UVRAG: variants seen among roughly 807,000 people sequenced by gnomAD.
The protein encoded by UVRAG is UV radiation resistance-associated gene protein.
UVRAG carries 19 observed loss-of-function variants against 78.0 expected under a neutral mutation model. The observed-to-expected ratio is 0.24, with a 90% confidence interval of 0.17 to 0.36. The LOEUF (loss-of-function observed/expected upper bound fraction) is 0.36, where lower values mean the gene tolerates loss of function less well. Among genes scored for constraint, UVRAG ranks in the 10% least tolerant of loss-of-function variants. The pLI is 1.00. For missense variants in UVRAG, 740 were observed against 853.8 expected (o/e 0.87, Z 1.66); for synonymous variants, 323 against 324.6 (o/e 1.00, Z 0.05).
intron 12 of UVRAG, among the ~76,000 whole-genome samples, chr11:76,038,161 A>T (rs1212272568): frequency 6.6e-6 from 1 of 152,350 alleles, no homozygotes; most frequent in South Asian, 2.1e-4. Context: ...GCTTTCATAC[A>T]GTAAGAAATA....
chr11:76,047,825 G>A (rs1237187620), intron 12 of UVRAG, among the ~76,000 whole-genome samples: 18 of 152,148 alleles, frequency 1.2e-4, no homozygotes, highest in Admixed American at 1.2e-3. Context: ...GAAGTAACTG[G>A]GCAAGTCATT....
At chr11:76,010,182 A>G (rs1423333209) in intron 11 of UVRAG, among the ~76,000 whole-genome samples, 2 of 152,334 alleles carry the variant, frequency 1.3e-5, no homozygotes, top group Non-Finnish European at 2.9e-5. Flanking sequence ...TGATTCATTT[A>G]GTAAACATAT....
chr11:76,142,815 C>T lies in UVRAG; in HGVS notation c.*1402C>T, dbSNP rs1237201409. ...TGTATATAGCAACACAAACACTTGA[C>T]AGGTATATACTCCAGTCGCCACATT... On this transcript the variant is annotated 3_prime_UTR_variant, in exon 15 of 15. Coordinates refer to ENST00000356136, the MANE Select transcript of UVRAG (RefSeq NM_003369.4). The T allele has an allele frequency of 2.6e-5, 4 of 152,302 alleles. No homozygotes were observed. The highest frequency in any genetic ancestry group is 7.2e-5 in the African/African-American group (3 of 41,444). 9.4% of individuals were successfully genotyped at this position (152,302 alleles called of 1,614,324 possible). A position where few individuals can be genotyped will look rare whatever the true frequency, so the allele number is the denominator to read the frequency against.
chr11:75,825,110 T>C (rs977509860), intron 1 of UVRAG, among the ~76,000 whole-genome samples: 2 of 151,576 alleles, frequency 1.3e-5, no homozygotes, highest in African/African-American at 4.9e-5. Context: ...ATAAGTAATG[T>C]CTTTTTTTTT....
chr11:75,948,095 A>G (rs1168878771), intron 6 of UVRAG, among the ~76,000 whole-genome samples: 2 of 152,164 alleles, frequency 1.3e-5, no homozygotes, highest in Non-Finnish European at 2.9e-5. Context: ...AAAGAATAAC[A>G]TCTAATATTA....
At chr11:75,893,613 CAA>C (rs1947271651) in intron 5 of UVRAG, among the ~76,000 whole-genome samples, 1 of 129,760 alleles carries the variant, frequency 7.7e-6, no homozygotes, top group South Asian at 2.4e-4. Flanking sequence ...AACTTTCAGT[CAA>C]GAGTGAGGGT....
At chr11:75,986,955 A>G (rs1261232118) in intron 8 of UVRAG, among the ~76,000 whole-genome samples, 2 of 152,194 alleles carry the variant, frequency 1.3e-5, no homozygotes, top group East Asian at 3.8e-4. Context: ...TTACTCCTGA[A>G]TAATACATTC....
intron 12 of UVRAG, among the ~76,000 whole-genome samples, chr11:76,055,733 G>A (rs866020614): frequency 6.6e-6 from 1 of 150,648 alleles, no homozygotes; most frequent in African/African-American, 2.4e-5. Context: ...TTTTTGAGAC[G>A]GAGTCTCACT....
chr11:75,876,474 C>T (rs145501192), intron 3 of UVRAG, among the ~76,000 whole-genome samples: 7 of 152,068 alleles, frequency 4.6e-5, no homozygotes, highest in Non-Finnish European at 1.0e-4. Context: ...GAAACTCTGC[C>T]CCTATTTAGC....
At chr11:75,857,925 A>T in intron 2 of UVRAG, among the ~76,000 whole-genome samples, 1 of 146,646 alleles carries the variant, frequency 6.8e-6, no homozygotes, top group Non-Finnish European at 1.5e-5. Flanking sequence ...TCTGTGCTTT[A>T]TTTTTCTCTG....
At chr11:75,990,028 G>C (rs1227423571) in intron 8 of UVRAG, among the ~76,000 whole-genome samples, 1 of 152,200 alleles carries the variant, frequency 6.6e-6, no homozygotes, top group Non-Finnish European at 1.5e-5. Flanking sequence ...GGATAAATGA[G>C]ATATAATAGG....
chr11:75,870,906 G>C (rs980585706), intron 3 of UVRAG, among the ~76,000 whole-genome samples: 1 of 150,726 alleles, frequency 6.6e-6, no homozygotes, highest in Non-Finnish European at 1.5e-5. Flanking sequence ...TTTCACTCTT[G>C]TTGCCCAGGC....
At chr11:75,853,813 C>T (rs1383104353) in intron 2 of UVRAG, among the ~76,000 whole-genome samples, 1 of 151,938 alleles carries the variant, frequency 6.6e-6, no homozygotes, top group Non-Finnish European at 1.5e-5. Context: ...CGCTCCGTTG[C>T]CCAGGCTGGT....
chr11:75,827,658 T>C (rs1043516282), intron 1 of UVRAG, among the ~76,000 whole-genome samples: 1 of 152,072 alleles, frequency 6.6e-6, no homozygotes, highest in African/African-American at 2.4e-5. Context: ...GAGTGCAGGA[T>C]AGGAAAAACT....
chr11:75,817,816 G>A (rs960354592), intron 1 of UVRAG, among the ~76,000 whole-genome samples: 3 of 151,706 alleles, frequency 2.0e-5, no homozygotes, highest in South Asian at 2.1e-4. Flanking sequence ...GGCTGAGGTG[G>A]GGGGATCACT....
At chr11:75,942,822 T>C (rs985940466) in intron 6 of UVRAG, among the ~76,000 whole-genome samples, 2 of 152,144 alleles carry the variant, frequency 1.3e-5, no homozygotes, top group African/African-American at 4.8e-5. Flanking sequence ...CTGAACTTCA[T>C]GGTACATATG....
At chr11:75,934,479 T>A (rs986400619) in intron 6 of UVRAG, among the ~76,000 whole-genome samples, 20 of 152,172 alleles carry the variant, frequency 1.3e-4, no homozygotes, top group African/African-American at 4.8e-4. Context: ...AATTTAATTC[T>A]ACATTTAAAA....
intron 14 of UVRAG, among the ~76,000 whole-genome samples, chr11:76,122,772 T>C (rs1364183808): frequency 6.6e-6 from 1 of 152,222 alleles, no homozygotes. Flanking sequence ...AAGACCACTC[T>C]GAGGCCTTAG....
chr11:75,936,527 G>A (rs1948376805), intron 6 of UVRAG, among the ~76,000 whole-genome samples: 1 of 152,044 alleles, frequency 6.6e-6, no homozygotes, highest in South Asian at 2.1e-4. Context: ...TTATTATCTG[G>A]TAGTATAAGT....
Sources: gnomAD v4.1 joint callset for allele counts (sites outside exome capture counted in the v4.1 genomes callset) on GRCh38, gnomAD v4.1.1 for gene constraint, MANE v1.5 for transcripts, NCBI Gene and HGNC (gene_info 2026-07-23, HGNC 2026-07-21) for gene names.